Variants in LANCL1 observed in about 807,000 individuals in gnomAD.
The protein encoded by LANCL1 is LanC like glutathione S-transferase 1, also known as glutathione S-transferase LANCL1.
In LANCL1, 50 loss-of-function variants were observed where a neutral mutation model predicts 50.6. That is an observed-to-expected ratio of 0.99 (90% confidence interval 0.79 to 1.25). The LOEUF is 1.25. Among genes scored for constraint, LANCL1 ranks in the 50% most tolerant of loss-of-function variants. The pLI, the probability that LANCL1 is intolerant of heterozygous loss-of-function variation, is 0.00. For missense variants in LANCL1, 532 were observed against 480.7 expected, an observed-to-expected ratio of 1.11 and a Z score of -1.00; for synonymous variants, 188 against 178.6, an observed-to-expected ratio of 1.05 and a Z score of -0.42.
intron 4 of LANCL1, among the ~76,000 whole-genome samples, chr2:210,452,453 T>C (rs888696052): frequency 1.3e-5 from 2 of 152,128 alleles, no homozygotes; most frequent in Non-Finnish European, 2.9e-5. Context: ...ATCTGATATG[T>C]ATCAGGCAGT....
chr2:210,465,226 T>C (rs1350336062), intron 3 of LANCL1, among the ~76,000 whole-genome samples: 1 of 152,214 alleles, frequency 6.6e-6, no homozygotes, highest in African/African-American at 2.4e-5. Context: ...AAATTACATA[T>C]CACAGGAAAG....
intron 4 of LANCL1, among the ~76,000 whole-genome samples, chr2:210,441,928 C>T (rs1347375229): frequency 1.4e-5 from 2 of 147,886 alleles, no homozygotes; most frequent in Non-Finnish European, 3.0e-5. Flanking sequence ...TTTTTTGAGA[C>T]AGTTTCGCTC....
At chr2:210,462,266 T>C (rs6435572) in intron 3 of LANCL1, among the ~76,000 whole-genome samples, 3,055 of 152,320 alleles carry the variant, frequency 0.02, 94 homozygotes, top group African/African-American at 0.071. Flanking sequence ...CAACTCTTAA[T>C]GGGGTTCCTA....
intron 3 of LANCL1, among the ~76,000 whole-genome samples, chr2:210,456,616 T>G (rs1011376787): frequency 2.6e-5 from 4 of 152,150 alleles, no homozygotes; most frequent in Non-Finnish European, 5.9e-5. Flanking sequence ...ATGATTGATG[T>G]CAAGAGCTTC....
At chr2:210,471,871 G>C (rs1694234029) in intron 3 of LANCL1, 88 bp downstream of exon 3, 1 of 919,624 alleles carries the variant, frequency 1.1e-6, no homozygotes, top group African/African-American at 1.6e-5. Context: ...AGCATTTAAG[G>C]GTGTACCATT....
rs1344543041 is a variant in LANCL1 at position 210,431,976 on chromosome 2, T to C, written c.*2511A>G. 5 of 152,230 alleles carry C rather than the reference T, an allele frequency of 3.3e-5. No individual in the cohort carries two copies. Among genetic ancestry groups the C allele is most frequent in the Admixed American group, 2.6e-4 (4 of 15,278 alleles). The allele number at this position is 152,230 out of a possible 1,614,324, so 9.4% of individuals were successfully genotyped here. On this transcript the variant is annotated 3_prime_UTR_variant, in exon 10 of 10. Coordinates refer to ENST00000450366, the MANE Select transcript of LANCL1 (RefSeq NM_006055.3). ...CCTTTGACAACCTTTGAAGGTTTTATTACCTAGTCCCTGTATAGAGATAAG... is the reference window on the plus strand; with the variant it reads ...CCTTTGACAACCTTTGAAGGTTTTACTACCTAGTCCCTGTATAGAGATAAG...
At chr2:210,468,725 C>T (rs1694142824) in intron 3 of LANCL1, 1 of 152,250 alleles carries the variant, frequency 6.6e-6, no homozygotes, top group Admixed American at 6.5e-5. Flanking sequence ...CAGCAGCCAC[C>T]TTGAGCAAGA....
At chr2:210,453,141 C>T (rs899915317) in intron 4 of LANCL1, among the ~76,000 whole-genome samples, 2 of 152,138 alleles carry the variant, frequency 1.3e-5, no homozygotes, top group South Asian at 2.1e-4. Flanking sequence ...TATTCACATA[C>T]TATATTTTTA....
chr2:210,450,047 C>A (rs1011117250), intron 4 of LANCL1, among the ~76,000 whole-genome samples: 3 of 152,082 alleles, frequency 2.0e-5, no homozygotes, highest in African/African-American at 7.2e-5. Context: ...GAATCTTAAG[C>A]AAAAAGAACA....
chr2:210,456,667 A>C (rs1693683180), intron 3 of LANCL1, among the ~76,000 whole-genome samples: 1 of 152,094 alleles, frequency 6.6e-6, no homozygotes, highest in African/African-American at 2.4e-5. Flanking sequence ...CTCCATCCAT[A>C]TCACGCATCT....
intron 4 of LANCL1, among the ~76,000 whole-genome samples, chr2:210,444,796 G>A (rs1043443117): frequency 2.6e-5 from 4 of 151,646 alleles, no homozygotes; most frequent in African/African-American, 9.7e-5. Flanking sequence ...AAAACAATAG[G>A]GCTTATGGAT....
intron 2 of LANCL1, among the ~76,000 whole-genome samples, chr2:210,474,463 C>T (rs1252375790): frequency 1.3e-5 from 2 of 151,990 alleles, no homozygotes; most frequent in South Asian, 2.1e-4. Flanking sequence ...CACCTGTAAT[C>T]CCGGCACTTT....
intron 2 of LANCL1, among the ~76,000 whole-genome samples, chr2:210,473,724 C>T (rs1056462756): frequency 6.6e-6 from 1 of 152,212 alleles, no homozygotes; most frequent in Non-Finnish European, 1.5e-5. Flanking sequence ...ATCAGACTTT[C>T]AACCACATCT....
At chr2:210,437,921 C>A in intron 6 of LANCL1, 49 bp from the exon 7 acceptor site, 1 of 1,347,828 alleles carries the variant, frequency 7.4e-7, no homozygotes, top group Non-Finnish European at 1.0e-6. Context: ...AATAAACCTT[C>A]CTAGGTCTCA....
chr2:210,442,148 C>T (rs1432239628), intron 4 of LANCL1, among the ~76,000 whole-genome samples: 2 of 152,050 alleles, frequency 1.3e-5, no homozygotes, highest in Non-Finnish European at 2.9e-5. Context: ...AGGTGATCAG[C>T]CTGCCTCAGC....
At position 210,431,799 on chromosome 2, in the gene LANCL1, A is replaced by C. The variant is rs139162248; in HGVS notation, c.*2688T>G. On this transcript the variant is annotated 3_prime_UTR_variant, in exon 10 of 10. Transcript: ENST00000450366. Reference sequence around the variant, plus strand: ...AGAGAGCCACATGACTCAGGATTAAAGACTGACAACTCAGGCCACACCGCC... The same window carrying C: ...AGAGAGCCACATGACTCAGGATTAACGACTGACAACTCAGGCCACACCGCC... 1 of 152,338 alleles carries C rather than the reference A, an allele frequency of 6.6e-6. No homozygotes were observed. Among genetic ancestry groups the C allele is most frequent in the African/African-American group, 2.4e-5 (1 of 41,584 alleles). The allele number at this position is 152,338 out of a possible 1,614,324, so 9.4% of individuals were successfully genotyped here.
At chr2:210,472,623 G>A (rs1008494962) in intron 2 of LANCL1, among the ~76,000 whole-genome samples, 1 of 152,108 alleles carries the variant, frequency 6.6e-6, no homozygotes, top group Non-Finnish European at 1.5e-5. Context: ...ATAAACCCAC[G>A]TCCAGCACAG....
chr2:210,460,759 C>G (rs1175926366), intron 3 of LANCL1: 1 of 152,164 alleles, frequency 6.6e-6, no homozygotes, highest in Non-Finnish European at 1.5e-5. Context: ...TGGGCCGTGG[C>G]TTTCAAATAC....
intron 6 of LANCL1, among the ~76,000 whole-genome samples, chr2:210,438,341 G>A (rs1459185929): frequency 6.6e-6 from 1 of 151,994 alleles, no homozygotes; most frequent in Admixed American, 6.5e-5. Flanking sequence ...CACCATGTTG[G>A]CCAGGCTGGT....
Sources: allele counts gnomAD v4.1 joint callset (sites outside exome capture counted in the v4.1 genomes callset), GRCh38; gene constraint gnomAD v4.1.1; transcripts MANE v1.5; gene names NCBI Gene and HGNC (gene_info 2026-07-23, HGNC 2026-07-21).